Variants in FRMD5 observed in about 807,000 individuals in gnomAD.
FRMD5 encodes the protein FERM domain-containing protein 5.
In FRMD5, 20 loss-of-function variants were observed where a neutral mutation model predicts 69.0. That is an observed-to-expected ratio of 0.29 (90% confidence interval 0.20 to 0.42). The LOEUF (loss-of-function observed/expected upper bound fraction) is 0.42, where lower values mean the gene tolerates loss of function less well. Among genes scored for constraint, FRMD5 ranks in the 10% least tolerant of loss-of-function variants. The pLI, the probability that FRMD5 is intolerant of heterozygous loss-of-function variation, is 1.00. For missense variants in FRMD5, 595 were observed against 708.6 expected (o/e 0.84, Z 1.82); for synonymous variants, 271 against 260.1 (o/e 1.04, Z -0.40).
At chr15:44,042,568 A>G (rs1003131739) in intron 1 of FRMD5, among the ~76,000 whole-genome samples, 1 of 152,216 alleles carries the variant, frequency 6.6e-6, no homozygotes, top group African/African-American at 2.4e-5. Context: ...CACATCAAAA[A>G]GCTTATCCAC....
chr15:44,147,248 C>G (rs1310984998), intron 1 of FRMD5, among the ~76,000 whole-genome samples: 1 of 152,070 alleles, frequency 6.6e-6, no homozygotes, highest in Non-Finnish European at 1.5e-5. Flanking sequence ...AATAGGGAAT[C>G]CTTTCTCTGT....
intron 4 of FRMD5, 46 bp from the exon 5 acceptor site, chr15:43,910,025 C>T (rs1428024027): frequency 9.0e-6 from 10 of 1,108,902 alleles, no homozygotes; most frequent in Non-Finnish European, 1.4e-5. Flanking sequence ...TCTTTGATTG[C>T]TTTAAAGATA....
chr15:44,082,798 A>G (rs1163618204), intron 1 of FRMD5, among the ~76,000 whole-genome samples: 1 of 152,020 alleles, frequency 6.6e-6, no homozygotes, highest in Non-Finnish European at 1.5e-5. Context: ...ATAAGATATG[A>G]AACACTAGCT....
intron 1 of FRMD5, among the ~76,000 whole-genome samples, chr15:44,170,072 A>G (rs1204210626): frequency 6.6e-6 from 1 of 152,106 alleles, no homozygotes; most frequent in Non-Finnish European, 1.5e-5. Context: ...CCCAAAACCT[A>G]CTTTTGCCAC....
intron 2 of FRMD5, 100 bp from the exon 3 acceptor site, chr15:43,919,909 G>C (rs2089463708): frequency 2.8e-6 from 3 of 1,076,590 alleles, no homozygotes; most frequent in Non-Finnish European, 4.3e-6. Flanking sequence ...TGTAGCCTAG[G>C]GTGAAAGCAG....
intron 1 of FRMD5, among the ~76,000 whole-genome samples, chr15:44,119,922 T>C (rs929082476): frequency 6.6e-6 from 1 of 152,128 alleles, no homozygotes; most frequent in African/African-American, 2.4e-5. Flanking sequence ...AATAAATGAC[T>C]GAGCATCTCA....
chr15:44,107,788 A>AT (rs1468814558), intron 1 of FRMD5, among the ~76,000 whole-genome samples: 3 of 152,210 alleles, frequency 2.0e-5, no homozygotes, highest in African/African-American at 7.2e-5. Flanking sequence ...TTGGAAAGTA[A>AT]TTTGGATTTG....
intron 1 of FRMD5, chr15:44,194,590 G>A (rs573325391): frequency 5.9e-6 from 2 of 338,152 alleles, no homozygotes; most frequent in South Asian, 5.6e-5. Context: ...CCGACGGGGC[G>A]GCCGGGCTAG....
At position 43,876,225 on chromosome 15, in the gene FRMD5, C is replaced by CT. The variant is rs946380105; in HGVS notation, c.1136-1764dup. 67 of 1,576,948 alleles carry CT rather than the reference C, an allele frequency of 4.2e-5. No homozygotes were observed. The African/African-American group carries it at 6.6e-4, about 16-fold the overall frequency. On this transcript the variant is annotated intron_variant, in intron 13 of 13. Transcript: ENST00000417257. ...CCCTTTCCCCGCTTTTCCAGAACCA[C>CT]TTTTTCCTTTGGGCGGCATCTTGGA...
At chr15:43,939,617 G>A (rs1260322434) in intron 1 of FRMD5, among the ~76,000 whole-genome samples, 1 of 151,932 alleles carries the variant, frequency 6.6e-6, no homozygotes, top group Non-Finnish European at 1.5e-5. Context: ...GAGTGTCGTG[G>A]CACAATCATG....
intron 1 of FRMD5, among the ~76,000 whole-genome samples, chr15:43,963,510 G>A (rs1006671156): frequency 6.6e-6 from 1 of 152,132 alleles, no homozygotes; most frequent in Non-Finnish European, 1.5e-5. Flanking sequence ...AATTCCTCAG[G>A]GATCTAGAAC....
chr15:43,963,385 A>G (rs1169880943), intron 1 of FRMD5, among the ~76,000 whole-genome samples: 2 of 152,230 alleles, frequency 1.3e-5, no homozygotes, highest in Non-Finnish European at 2.9e-5. Context: ...TAGAATGGCT[A>G]TCATTAAAAA....
In FRMD5 at chr15:43,902,171, T is replaced by C. The variant is rs916598312; in HGVS notation, c.639+4A>G. 7 of 1,611,908 alleles carry C rather than the reference T, an allele frequency of 4.3e-6. No individual in the cohort carries two copies. The highest frequency in any genetic ancestry group is 3.3e-5 in the Admixed American group (2 of 60,016). On this transcript the variant is annotated splice_donor_region_variant and intron_variant, in intron 7 of 13. Coordinates refer to ENST00000417257, the MANE Select transcript of FRMD5 (RefSeq NM_032892.5). The stretch of plus-strand genomic sequence containing the variant: ...TCATGCAGTCTCCAACCAGGGGGTC[T>C]TACCTTACATGGGTGAGGATCCACT...
In FRMD5 at chr15:44,108,135, A is replaced by T. The variant is rs534462026; in HGVS notation, c.102+86818T>A. On this transcript the variant is annotated intron_variant, in intron 1 of 13. Coordinates refer to ENST00000417257, the MANE Select transcript of FRMD5 (RefSeq NM_032892.5). ...AAAGGTATAAAAACAAAACAAAATT[A>T]AAAAAGAATAATAGACAAAAGAAAT... Among the ~76,000 whole-genome samples, 12 of 152,346 alleles carry T rather than the reference A, an allele frequency of 7.9e-5. No individual in the cohort carries two copies. In the East Asian group the frequency reaches 2.1e-3, roughly 27 times the overall value.
intron 1 of FRMD5, among the ~76,000 whole-genome samples, chr15:44,134,524 C>T (rs1419718210): frequency 6.6e-6 from 1 of 152,182 alleles, no homozygotes; most frequent in East Asian, 1.9e-4. Context: ...TCTCAGCTCA[C>T]TGCAACCTCC....
At chr15:44,078,234 C>T (rs1440763463) in intron 1 of FRMD5, among the ~76,000 whole-genome samples, 1 of 152,016 alleles carries the variant, frequency 6.6e-6, no homozygotes, top group Non-Finnish European at 1.5e-5. Flanking sequence ...ATTCTTTATC[C>T]TGTAATCTTT....
At chr15:44,112,905 A>AT (rs1016871767) in intron 1 of FRMD5, among the ~76,000 whole-genome samples, 2 of 152,118 alleles carry the variant, frequency 1.3e-5, no homozygotes, top group African/African-American at 4.8e-5. Flanking sequence ...ACCTTCACTG[A>AT]TTTTTTCCTT....
chr15:44,160,524 CA>C (rs1306978018), intron 1 of FRMD5, among the ~76,000 whole-genome samples: 5 of 152,122 alleles, frequency 3.3e-5, no homozygotes, highest in African/African-American at 1.2e-4. Flanking sequence ...AACATTTTAG[CA>C]AAAGCAAAAC....
intron 1 of FRMD5, among the ~76,000 whole-genome samples, chr15:44,172,267 TTTTTC>T (rs1293798572): frequency 6.7e-6 from 1 of 148,768 alleles, no homozygotes; most frequent in Non-Finnish European, 1.5e-5. Context: ...TCTTTTTCTC[TTTTTC>T]TTTTTTTTTT....
Sources: gnomAD v4.1 joint callset for allele counts (sites outside exome capture counted in the v4.1 genomes callset) on GRCh38, gnomAD v4.1.1 for gene constraint, MANE v1.5 for transcripts, NCBI Gene and HGNC (gene_info 2026-07-23, HGNC 2026-07-21) for gene names.